Variants in ANAPC10 observed in about 807,000 individuals in gnomAD.
ANAPC10 encodes the protein anaphase promoting complex subunit 10.
A neutral mutation model predicts 22.0 loss-of-function variants in ANAPC10; 12 were observed. The observed-to-expected ratio is 0.55, with a 90% CI of 0.35 to 0.88. ANAPC10 has a LOEUF of 0.88. ANAPC10 is among the 40% of genes least tolerant of loss of function. ANAPC10 has a pLI of 0.01. For synonymous variants in ANAPC10, 65 were observed against 69.5 expected, an observed-to-expected ratio of 0.94 and a Z score of 0.32; for missense variants, 188 against 220.9, an observed-to-expected ratio of 0.85 and a Z score of 0.94.
intron 1 of ANAPC10, chr4:145,097,536 A>C: frequency 1.6e-6 from 2 of 1,287,246 alleles, no homozygotes; most frequent in Non-Finnish European, 2.0e-6. Context: ...GTTGTTCTTT[A>C]ATCGGCACAC....
chr4:145,053,650 T>C, intron 4 of ANAPC10: 1 of 475,302 alleles, frequency 2.1e-6, no homozygotes, highest in Middle Eastern at 4.5e-4. Context: ...TCTTAATTCC[T>C]TTATGAAGGA....
chr4:145,060,675 A>G (rs534431558), intron 4 of ANAPC10, among the ~76,000 whole-genome samples: 36 of 152,174 alleles, frequency 2.4e-4, no homozygotes, highest in African/African-American at 8.4e-4. Context: ...ATTTAGGTGG[A>G]TTTTCCACTC....
intron 4 of ANAPC10, among the ~76,000 whole-genome samples, chr4:145,012,332 G>A (rs1190171049): frequency 2.0e-5 from 3 of 151,686 alleles, no homozygotes; most frequent in Non-Finnish European, 4.4e-5. Context: ...ACACAAGGTT[G>A]TTAAGAAGAT....
intron 4 of ANAPC10, among the ~76,000 whole-genome samples, chr4:145,019,906 C>A (rs1189481873): frequency 6.6e-6 from 1 of 151,964 alleles, no homozygotes; most frequent in Non-Finnish European, 1.5e-5. Context: ...ATACCCTAAA[C>A]AGACCAATAA....
intron 3 of ANAPC10, among the ~76,000 whole-genome samples, chr4:145,072,032 G>C (rs1744562878): frequency 6.6e-6 from 1 of 151,868 alleles, no homozygotes; most frequent in African/African-American, 2.4e-5. Context: ...AAAAAAACTA[G>C]GTAGGGTAAG....
intron 2 of ANAPC10, 115 bp downstream of exon 2, chr4:145,095,870 G>T: frequency 7.2e-7 from 1 of 1,380,890 alleles, no homozygotes; most frequent in Non-Finnish European, 1.0e-6. Context: ...ACTATCCATG[G>T]TTTTAGGCAT....
chr4:144,996,344 T>A (rs1463083769), intron 4 of ANAPC10, among the ~76,000 whole-genome samples: 1 of 152,100 alleles, frequency 6.6e-6, no homozygotes, highest in Non-Finnish European at 1.5e-5. Flanking sequence ...ATCCCACAGA[T>A]CCTGGAGCAA....
At chr4:145,033,089 T>G (rs896779302) in intron 4 of ANAPC10, 2 of 152,276 alleles carry the variant, frequency 1.3e-5, no homozygotes, top group Non-Finnish European at 2.9e-5. Flanking sequence ...AATGGTGGAA[T>G]AGCCTTTTGA....
chr4:145,035,654 T>C (rs1004980884), intron 4 of ANAPC10, among the ~76,000 whole-genome samples: 1 of 152,224 alleles, frequency 6.6e-6, no homozygotes, highest in African/African-American at 2.4e-5. Flanking sequence ...TTCCAGTTCA[T>C]CTTCATGGGT....
At chr4:145,061,280 A>G (rs1742849832) in intron 4 of ANAPC10, among the ~76,000 whole-genome samples, 1 of 152,192 alleles carries the variant, frequency 6.6e-6, no homozygotes, top group South Asian at 2.1e-4. Flanking sequence ...CAAGGTCCAA[A>G]TATCGCTTAA....
rs1354981260 is a variant in ANAPC10, at chr4:145,064,807, A to G, written c.207-115T>C. On this transcript the variant is annotated intron_variant, in intron 3 of 4. Coordinates refer to ENST00000507656, the MANE Select transcript of ANAPC10 (RefSeq NM_001256706.2). Reference sequence around the variant, plus strand: ...TGCTAAAAGGAGTATTTGAATCAACATTTTCATATCTTTTAATTTCAACAA... The same window carrying G: ...TGCTAAAAGGAGTATTTGAATCAACGTTTTCATATCTTTTAATTTCAACAA... 17 of 874,948 alleles carry G rather than the reference A, an allele frequency of 1.9e-5. No individual in the cohort carries two copies. In the Admixed American group the frequency reaches 4.9e-4, roughly 25 times the overall value. 54.2% of individuals were successfully genotyped at this position (874,948 alleles called of 1,614,324 possible). A position where few individuals can be genotyped will look rare whatever the true frequency, so the allele number is the denominator to read the frequency against.
rs149253292 is a variant in ANAPC10, at chr4:145,022,416, G to A, written c.328-26813C>T. On this transcript the variant is annotated intron_variant, in intron 4 of 4. Coordinates refer to ENST00000507656, the MANE Select transcript of ANAPC10 (RefSeq NM_001256706.2). ...ATTCTAAGTGAAGTCACTCAGGAACGGAGAACCAAACATCGTATATTCTCA... is the reference window on the plus strand; with the variant it reads ...ATTCTAAGTGAAGTCACTCAGGAACAGAGAACCAAACATCGTATATTCTCA... Among the ~76,000 whole-genome samples, 623 of 152,076 alleles carry A rather than the reference G, an allele frequency of 4.1e-3. 8 individuals are homozygous for A. The highest frequency in any genetic ancestry group is 0.014 in the African/African-American group (571 of 41,488).
Position 145,096,117 on chromosome 4 carries a change from T to C in ANAPC10, c.-12-6A>G. 4.3e-6 allele frequency: 7 copies of C among 1,611,608 alleles called. No individual in the cohort carries two copies. Among genetic ancestry groups the C allele is most frequent in the Non-Finnish European group, 5.9e-6 (7 of 1,179,418 alleles). Reference sequence around the variant, plus strand: ...GTAGTCATTTTTAAAATATTCTATGTAGAAAACAAGAATGCACACATTGTA... The same window carrying C: ...GTAGTCATTTTTAAAATATTCTATGCAGAAAACAAGAATGCACACATTGTA... On this transcript the variant is annotated splice_region_variant and splice_polypyrimidine_tract_variant and intron_variant, in intron 1 of 4. Coordinates refer to ENST00000507656, the MANE Select transcript of ANAPC10 (RefSeq NM_001256706.2).
chr4:145,000,071 T>A (rs1279177728), intron 4 of ANAPC10, among the ~76,000 whole-genome samples: 1 of 152,176 alleles, frequency 6.6e-6, no homozygotes, highest in African/African-American at 2.4e-5. Flanking sequence ...ATTAAAGACT[T>A]AAATGTTAGA....
At chr4:145,085,866 C>CTT (rs77357289) in intron 2 of ANAPC10, among the ~76,000 whole-genome samples, 3 of 140,408 alleles carry the variant, frequency 2.1e-5, no homozygotes, top group African/African-American at 2.6e-5. Context: ...AATTTTTTTT[C>CTT]TTTTTTTTTT....
chr4:145,089,386 G>A (rs1747348621), intron 2 of ANAPC10, among the ~76,000 whole-genome samples: 1 of 151,944 alleles, frequency 6.6e-6, no homozygotes. Context: ...TCCCTTCTTT[G>A]TATCAAATAT....
intron 4 of ANAPC10, among the ~76,000 whole-genome samples, chr4:145,053,936 GTCTC>G (rs1167250428): frequency 6.6e-6 from 1 of 151,500 alleles, no homozygotes; most frequent in Non-Finnish European, 1.5e-5. Flanking sequence ...TTTAGATGAA[GTCTC>G]TCTCTGTCAC....
At chr4:145,012,439 TAAAG>T (rs969603926) in intron 4 of ANAPC10, among the ~76,000 whole-genome samples, 3 of 151,546 alleles carry the variant, frequency 2.0e-5, no homozygotes, top group Admixed American at 6.6e-5. Flanking sequence ...AAAGAAAAAA[TAAAG>T]AATTTCATCT....
At position 145,032,577 on chromosome 4, in the gene ANAPC10, C is replaced by G. The variant is rs201518162; in HGVS notation, c.327+31995G>C. Among the ~76,000 whole-genome samples, 37 of 152,310 alleles carry G rather than the reference C, an allele frequency of 2.4e-4. No individual in the cohort carries two copies. In the East Asian group the frequency reaches 6.6e-3, roughly 27 times the overall value. On this transcript the variant is annotated intron_variant, in intron 4 of 4. Coordinates refer to ENST00000507656, the MANE Select transcript of ANAPC10 (RefSeq NM_001256706.2). Reference sequence around the variant, plus strand: ...ACCCGTTCTGTGGACACCACACAACCTCTTTCCCCAGCCACCACTGTCATC... The same window carrying G: ...ACCCGTTCTGTGGACACCACACAACGTCTTTCCCCAGCCACCACTGTCATC...
Sources: allele counts gnomAD v4.1 joint callset (sites outside exome capture counted in the v4.1 genomes callset), GRCh38; gene constraint gnomAD v4.1.1; transcripts MANE v1.5; gene names NCBI Gene and HGNC (gene_info 2026-07-23, HGNC 2026-07-21).